DCAF5: variants seen among roughly 807,000 people sequenced by gnomAD.
DCAF5 encodes the protein DDB1 and CUL4 associated factor 5.
In DCAF5, 9 loss-of-function variants were observed where a neutral mutation model predicts 80.7. The ratio of observed to expected loss-of-function variants is 0.11; its 90% CI spans 0.07 to 0.19. DCAF5 has a LOEUF of 0.19. Ranked by LOEUF, DCAF5 falls within the 10% of genes least tolerant of loss-of-function variation. The pLI is 1.00. For missense variants in DCAF5, 842 were observed against 1,205.7 expected, an observed-to-expected ratio of 0.70 and a Z score of 4.47; for synonymous variants, 433 against 461.9, an observed-to-expected ratio of 0.94 and a Z score of 0.80.
At chr14:69,073,429 A>G (rs1664174005) in intron 7 of DCAF5, among the ~76,000 whole-genome samples, 1 of 152,164 alleles carries the variant, frequency 6.6e-6, no homozygotes, top group South Asian at 2.1e-4. Flanking sequence ...TAAGCCACCC[A>G]GTCTGTGATA....
chr14:69,059,730 C>G (rs899682534), intron 8 of DCAF5, among the ~76,000 whole-genome samples: 71 of 152,134 alleles, frequency 4.7e-4, no homozygotes, highest in African/African-American at 1.6e-3. Flanking sequence ...GGGATGACAC[C>G]TGTGAGACAG....
intron 8 of DCAF5, among the ~76,000 whole-genome samples, chr14:69,058,185 C>T (rs2038049473): frequency 6.6e-6 from 1 of 152,124 alleles, no homozygotes; most frequent in Admixed American, 6.5e-5. Flanking sequence ...AAGTTAACAA[C>T]TCAGAAGTGA....
intron 1 of DCAF5, among the ~76,000 whole-genome samples, chr14:69,127,786 T>C (rs1301207194): frequency 2.0e-5 from 3 of 152,164 alleles, no homozygotes; most frequent in Non-Finnish European, 4.4e-5. Context: ...TCTCTTAATT[T>C]TGCTGTGAAC....
At chr14:69,123,311 A>C (rs2040780257) in intron 1 of DCAF5, among the ~76,000 whole-genome samples, 1 of 152,248 alleles carries the variant, frequency 6.6e-6, no homozygotes, top group South Asian at 2.1e-4. Flanking sequence ...GTTCACTGGG[A>C]AATACCTGGC....
chr14:69,148,102 CAAAAAAAA>C (rs71446373), intron 1 of DCAF5, among the ~76,000 whole-genome samples: 1 of 91,640 alleles, frequency 1.1e-5, no homozygotes. Flanking sequence ...ATTTTCTTCG[CAAAAAAAA>C]AAAAAAAAAA....
At chr14:69,102,591 GACACACAC>G (rs143602483) in intron 5 of DCAF5, among the ~76,000 whole-genome samples, 4 of 124,880 alleles carry the variant, frequency 3.2e-5, no homozygotes, top group Admixed American at 8.9e-5. Context: ...TAAAAACAAA[GACACACAC>G]ACACACACAC....
At chr14:69,069,379 C>T (rs1353402319) in intron 7 of DCAF5, among the ~76,000 whole-genome samples, 5 of 152,152 alleles carry the variant, frequency 3.3e-5, no homozygotes, top group Admixed American at 1.3e-4. Flanking sequence ...ACTCAATCAG[C>T]CATTCCAGGT....
At chr14:69,096,013 T>C (rs1031686747) in intron 5 of DCAF5, among the ~76,000 whole-genome samples, 5 of 152,174 alleles carry the variant, frequency 3.3e-5, no homozygotes, top group Non-Finnish European at 7.4e-5. Context: ...CAGTTTCTGA[T>C]TTAAGGCAGG....
chr14:69,094,324 C>T (rs1227177636), intron 5 of DCAF5, among the ~76,000 whole-genome samples: 2 of 152,164 alleles, frequency 1.3e-5, no homozygotes. Context: ...GCCATCCCAA[C>T]CCCACCCAAG....
At chr14:69,126,608 A>G (rs989348529) in intron 1 of DCAF5, among the ~76,000 whole-genome samples, 2 of 152,218 alleles carry the variant, frequency 1.3e-5, no homozygotes, top group Admixed American at 1.3e-4. Context: ...AATAGTCAAC[A>G]TGATTTTGAA....
intron 1 of DCAF5, among the ~76,000 whole-genome samples, chr14:69,134,733 T>C (rs564268905): frequency 2.0e-5 from 3 of 152,338 alleles, no homozygotes; most frequent in African/African-American, 7.2e-5. Flanking sequence ...GAAGTCATAA[T>C]ACACTTTTTA....
chr14:69,058,070 C>T (rs1229939213), intron 8 of DCAF5, among the ~76,000 whole-genome samples: 1 of 152,230 alleles, frequency 6.6e-6, no homozygotes, highest in Non-Finnish European at 1.5e-5. Context: ...AGAGAAACTT[C>T]TGAACATTAT....
At chr14:69,117,839 A>G (rs1479421157) in intron 4 of DCAF5, among the ~76,000 whole-genome samples, 2 of 152,198 alleles carry the variant, frequency 1.3e-5, no homozygotes, top group African/African-American at 4.8e-5. Context: ...GTAAATAATC[A>G]AGAATAGTTA....
At chr14:69,065,844 A>T (rs1456050502) in intron 7 of DCAF5, among the ~76,000 whole-genome samples, 6 of 152,210 alleles carry the variant, frequency 3.9e-5, no homozygotes, top group African/African-American at 1.4e-4. Flanking sequence ...AATTGGAAGG[A>T]GACAGGAAGG....
At position 69,118,383 on chromosome 14, in the gene DCAF5, A is replaced by C. The variant is rs1221783724; in HGVS notation, c.396-105T>G. On this transcript the variant is annotated intron_variant, in intron 3 of 8. Transcript: ENST00000341516. This position sits in a 1 kb window ranked among gnomAD's most constrained non-coding sequence, Gnocchi z 4.0. ...GTGCCATCTTTTCCATTTCTAGAAG[A>C]AAGTCAACCTAGCTAAACCCAAAAA... The C allele has an allele frequency of 7.6e-7, 1 of 1,312,398 alleles. No homozygotes were observed. Among genetic ancestry groups the C allele is most frequent in the African/African-American group, 1.5e-5 (1 of 68,498 alleles). The allele number at this position is 1,312,398 out of a possible 1,614,324, so 81.3% of individuals were successfully genotyped here. A position where few individuals can be genotyped will look rare whatever the true frequency, so the allele number is the denominator to read the frequency against.
chr14:69,124,449 C>G (rs1235020640), intron 1 of DCAF5, among the ~76,000 whole-genome samples: 2 of 152,116 alleles, frequency 1.3e-5, no homozygotes, highest in Non-Finnish European at 2.9e-5. Flanking sequence ...TACTTATTCT[C>G]CTGCTCCTAG....
At chr14:69,112,100 T>C (rs2040389437) in intron 5 of DCAF5, among the ~76,000 whole-genome samples, 1 of 152,246 alleles carries the variant, frequency 6.6e-6, no homozygotes, top group African/African-American at 2.4e-5. Context: ...TTTTACTTTG[T>C]AATTTTTCAA....
intron 5 of DCAF5, among the ~76,000 whole-genome samples, chr14:69,105,916 TATA>T (rs1177508437): frequency 0.033 from 842 of 25,456 alleles, 33 homozygotes; most frequent in African/African-American, 0.13. Context: ...TAAACTGTCA[TATA>T]TATATATATA....
At chr14:69,063,829 C>T (rs981641689) in intron 7 of DCAF5, among the ~76,000 whole-genome samples, 3 of 152,190 alleles carry the variant, frequency 2.0e-5, no homozygotes, top group African/African-American at 7.2e-5. Flanking sequence ...CAGACTGCAC[C>T]CATCTACTCA....
Sources: gnomAD v4.1 joint callset for allele counts (sites outside exome capture counted in the v4.1 genomes callset) on GRCh38, gnomAD v4.1.1 for gene constraint, Gnocchi (gnomAD v3.1) non-coding constraint, MANE v1.5 for transcripts, NCBI Gene and HGNC (gene_info 2026-07-23, HGNC 2026-07-21) for gene names.